The following RBPJ variants were observed in gnomAD, a reference collection of about 807,000 sequenced individuals.
RBPJ encodes the protein recombination signal binding protein for immunoglobulin kappa J region.
A neutral mutation model predicts 67.8 loss-of-function variants in RBPJ; 9 were observed. The observed-to-expected ratio is 0.13, with a 90% confidence interval of 0.08 to 0.23. The LOEUF (loss-of-function observed/expected upper bound fraction) is 0.23. Ranked by LOEUF, RBPJ falls within the 10% of genes least tolerant of loss-of-function variation. The pLI is 1.00. For missense variants in RBPJ, 305 were observed against 595.6 expected (o/e 0.51, Z 5.08); for synonymous variants, 198 against 203.3 (o/e 0.97, Z 0.22).
chr4:26,270,874 C>G (rs967007817), intron 1 of RBPJ, among the ~76,000 whole-genome samples: 1 of 152,040 alleles, frequency 6.6e-6, no homozygotes, highest in Admixed American at 6.6e-5. Context: ...CCGCCTCCCC[C>G]CCACCCTTAT....
chr4:26,176,327 C>A (rs930954513), intron 1 of RBPJ, among the ~76,000 whole-genome samples: 1 of 152,062 alleles, frequency 6.6e-6, no homozygotes, highest in African/African-American at 2.4e-5. Flanking sequence ...AGAGCGGAGA[C>A]GGGATTTTCA....
chr4:26,279,334 G>A (rs996203474), intron 1 of RBPJ, among the ~76,000 whole-genome samples: 2 of 152,164 alleles, frequency 1.3e-5, no homozygotes, highest in Admixed American at 6.6e-5. Context: ...ACGCTGGAGT[G>A]CAGTGGCACA....
chr4:26,421,541 G>A (rs1577665081), intron 5 of RBPJ, among the ~76,000 whole-genome samples: 1 of 152,090 alleles, frequency 6.6e-6, no homozygotes, highest in Admixed American at 6.6e-5. Flanking sequence ...GACCTCAGGT[G>A]ATCCACCCAC....
intron 1 of RBPJ, among the ~76,000 whole-genome samples, chr4:26,215,967 C>CA (rs1718711706): frequency 2.0e-5 from 3 of 152,136 alleles, no homozygotes; most frequent in Admixed American, 2.0e-4. Context: ...TTTACTCTGT[C>CA]AGAGTTCTGG....
chr4:26,132,547 A>G, the RBPJ span, among the ~76,000 whole-genome samples: 1 of 152,038 alleles, frequency 6.6e-6, no homozygotes, highest in South Asian at 2.1e-4. Context: ...TGGCTGTGGA[A>G]GCTGGGAGCC....
the RBPJ span, among the ~76,000 whole-genome samples, chr4:26,155,662 T>C: frequency 1.3e-5 from 2 of 152,178 alleles, no homozygotes; most frequent in African/African-American, 4.8e-5. Context: ...CTCAAGCTCC[T>C]GACCTCAAGT....
At chr4:26,411,983 C>T (rs1361472188) in intron 3 of RBPJ, among the ~76,000 whole-genome samples, 3 of 150,070 alleles carry the variant, frequency 2.0e-5, no homozygotes, top group African/African-American at 4.9e-5. Flanking sequence ...GGCGTGGTGG[C>T]GGGTGCCTGT....
At chr4:26,145,801 T>C in the RBPJ span, among the ~76,000 whole-genome samples, 2 of 152,368 alleles carry the variant, frequency 1.3e-5, no homozygotes, top group Middle Eastern at 3.4e-3. Context: ...TCTAAACTTC[T>C]ACTATGAGTC....
intron 1 of RBPJ, among the ~76,000 whole-genome samples, chr4:26,187,163 G>A (rs949342671): frequency 3.3e-5 from 5 of 152,146 alleles, no homozygotes; most frequent in East Asian, 1.9e-4. Flanking sequence ...TGGAGGCTGC[G>A]GTGAGCCATG....
At chr4:26,200,023 C>T (rs971823074) in intron 1 of RBPJ, among the ~76,000 whole-genome samples, 14 of 152,188 alleles carry the variant, frequency 9.2e-5, no homozygotes, top group Non-Finnish European at 1.9e-4. Context: ...GCTCCAGCAA[C>T]GTTTCCACGT....
intron 1 of RBPJ, among the ~76,000 whole-genome samples, chr4:26,230,780 G>C (rs189954075): frequency 4.0e-5 from 6 of 151,470 alleles, no homozygotes; most frequent in African/African-American, 1.5e-4. Context: ...CCACACTTTC[G>C]ACCTAGCATC....
At chr4:26,365,871 G>T (rs1293901848) in intron 1 of RBPJ, among the ~76,000 whole-genome samples, 1 of 152,216 alleles carries the variant, frequency 6.6e-6, no homozygotes, top group Non-Finnish European at 1.5e-5. Context: ...AGTGGCTTTT[G>T]AGTAACATTA....
chr4:26,415,163 A>T (rs1055960111), intron 3 of RBPJ, among the ~76,000 whole-genome samples: 3 of 152,158 alleles, frequency 2.0e-5, no homozygotes, highest in Non-Finnish European at 4.4e-5. Flanking sequence ...AGTACACTGG[A>T]TTTGCTGAAC....
intron 1 of RBPJ, among the ~76,000 whole-genome samples, chr4:26,235,462 A>G (rs75740630): frequency 0.02 from 3,030 of 152,326 alleles, 37 homozygotes; most frequent in Non-Finnish European, 0.031. Context: ...AAAAACAAAA[A>G]CACTTCTAAC....
At chr4:26,396,637 C>A (rs531120793) in intron 2 of RBPJ, among the ~76,000 whole-genome samples, 3 of 152,268 alleles carry the variant, frequency 2.0e-5, no homozygotes, top group Non-Finnish European at 2.9e-5. Flanking sequence ...CTCAATGTAA[C>A]GGCCTATGCC....
At chr4:26,382,275 C>T (rs1468095681) in intron 1 of RBPJ, among the ~76,000 whole-genome samples, 1 of 152,118 alleles carries the variant, frequency 6.6e-6, no homozygotes, top group Non-Finnish European at 1.5e-5. Flanking sequence ...ATTTATAATT[C>T]ATTAAATTAT....
chr4:26,114,471 GA>G, the RBPJ span, among the ~76,000 whole-genome samples: 7,441 of 104,848 alleles, frequency 0.071, 791 homozygotes, highest in African/African-American at 0.25. Context: ...AAAAAAAAAA[GA>G]ATGTACATAT....
chr4:26,232,057 A>C (rs912560024), intron 1 of RBPJ, among the ~76,000 whole-genome samples: 1 of 149,852 alleles, frequency 6.7e-6, no homozygotes, highest in East Asian at 2.0e-4. Context: ...ATGCTCGGCC[A>C]ATTTTTTTTT....
chr4:26,410,009 C>T (rs1343134016), intron 3 of RBPJ: 11 of 453,292 alleles, frequency 2.4e-5, no homozygotes, highest in Non-Finnish European at 4.0e-5. Context: ...AAGGGGAAAC[C>T]CATTAAATTT....
Sources: gnomAD v4.1 joint callset for allele counts (sites outside exome capture counted in the v4.1 genomes callset) on GRCh38, gnomAD v4.1.1 for gene constraint, MANE v1.5 for transcripts, NCBI Gene and HGNC (gene_info 2026-07-23, HGNC 2026-07-21) for gene names.